The following ADAR variants were observed in gnomAD, a reference collection of about 807,000 sequenced individuals.
ADAR encodes the protein adenosine deaminase RNA specific, also known as double-stranded RNA-specific adenosine deaminase.
In ADAR, 41 loss-of-function variants were observed where a neutral mutation model predicts 113.2. That is an observed-to-expected ratio of 0.36 (90% CI 0.28 to 0.47). The LOEUF is 0.47. ADAR is among the 20% of genes least tolerant of loss of function. The probability of loss-of-function intolerance (pLI) is 1.00; values close to 1 mark genes in which losing one functional copy is unlikely to be tolerated. For synonymous variants in ADAR, 605 were observed against 572.6 expected (o/e 1.06, Z -0.81); for missense variants, 1,242 against 1,540.9 (o/e 0.81, Z 3.25).
At position 154,583,354 on chromosome 1, in the gene ADAR, G is replaced by T. The variant is rs1400155609; in HGVS notation, c.*1452C>A. On this transcript the variant is annotated 3_prime_UTR_variant, in exon 15 of 15. Coordinates refer to ENST00000368474, the MANE Select transcript of ADAR (RefSeq NM_001111.5). ...AGCCAACAAAGTCCCTTCAACATGAGTAAAGGAAACAGTTTCAAGCACTGA... is the reference window on the plus strand; with the variant it reads ...AGCCAACAAAGTCCCTTCAACATGATTAAAGGAAACAGTTTCAAGCACTGA... 1 of 152,192 alleles carries T rather than the reference G, an allele frequency of 6.6e-6. No homozygotes were observed. The highest frequency in any genetic ancestry group is 1.5e-5 in the Non-Finnish European group (1 of 68,044). 9.4% of individuals were successfully genotyped at this position (152,192 alleles called of 1,614,324 possible).
intron 12 of ADAR, 31 bp downstream of exon 12, chr1:154,586,150 C>G: frequency 6.2e-7 from 1 of 1,613,084 alleles, no homozygotes; most frequent in Non-Finnish European, 8.5e-7. Context: ...GAAGGACAGA[C>G]CAGTTCCAGA....
At chr1:154,591,173 A>C (rs558906326) in intron 6 of ADAR, among the ~76,000 whole-genome samples, 29 of 152,358 alleles carry the variant, frequency 1.9e-4, no homozygotes, top group Admixed American at 5.9e-4. Context: ...AAAGGCTCTG[A>C]GCCTGTCCTT....
At chr1:154,612,034 T>C (rs921881041), upstream of ADAR, among the ~76,000 whole-genome samples, 3 of 152,232 alleles carry the variant, frequency 2.0e-5, no homozygotes, top group African/African-American at 7.2e-5. Context: ...ACTTAGTAAT[T>C]GTTAATTTGG....
At position 154,584,648 on chromosome 1, in the gene ADAR, T is replaced by C; in HGVS notation, c.*158A>G. The stretch of plus-strand genomic sequence containing the variant: ...CCTAGCAATCCCAAAGAAAGCAGGA[T>C]AAATGGGAACCCAAAGTTTTCAGTA... On this transcript the variant is annotated 3_prime_UTR_variant, in exon 15 of 15. Coordinates refer to ENST00000368474, the MANE Select transcript of ADAR (RefSeq NM_001111.5). 1 of 717,816 alleles carries C rather than the reference T, an allele frequency of 1.4e-6. No homozygotes were observed. Among genetic ancestry groups the C allele is most frequent in the Admixed American group, 2.4e-5 (1 of 41,728 alleles). The allele number at this position is 717,816 out of a possible 1,614,324, so 44.5% of individuals were successfully genotyped here.
intron 1 of ADAR, among the ~76,000 whole-genome samples, chr1:154,620,182 G>C (rs1571148945): frequency 6.6e-6 from 1 of 152,316 alleles, no homozygotes; most frequent in South Asian, 2.1e-4. Context: ...GCCAAGGCGG[G>C]TGGACCACAA....
chr1:154,610,687 G>A (rs1299190835), upstream of ADAR, among the ~76,000 whole-genome samples: 1 of 151,900 alleles, frequency 6.6e-6, no homozygotes, highest in African/African-American at 2.4e-5. Flanking sequence ...GCGTGTGCCT[G>A]TAGTCCCAGC....
chr1:154,588,537 G>A lies in ADAR; in HGVS notation c.2885+14C>T, dbSNP rs536855590. 1.2e-6 allele frequency: 2 copies of A among 1,613,464 alleles called. No homozygotes were observed. Among genetic ancestry groups the A allele is most frequent in the South Asian group, 1.1e-5 (1 of 91,070 alleles). ...GGCAGGGCCCACCCTGGCAGCAACA[G>A]GAACTGTACAGACCTGATATACAGA... On this transcript the variant is annotated intron_variant, in intron 10 of 14. Coordinates refer to ENST00000368474, the MANE Select transcript of ADAR (RefSeq NM_001111.5).
At chr1:154,615,653 A>G (rs539092758) in intron 1 of ADAR, among the ~76,000 whole-genome samples, 7 of 152,316 alleles carry the variant, frequency 4.6e-5, no homozygotes, top group African/African-American at 1.7e-4. Context: ...GGCTCAAGCA[A>G]TCTGCCTGCC....
At chr1:154,603,560 G>A (rs1013908559) in intron 1 of ADAR, among the ~76,000 whole-genome samples, 2 of 152,030 alleles carry the variant, frequency 1.3e-5, no homozygotes, top group East Asian at 1.9e-4. Context: ...GAACCCTGAC[G>A]GACAGGGCAC....
At chr1:154,610,098 T>G (rs1301484490), upstream of ADAR, among the ~76,000 whole-genome samples, 1 of 152,146 alleles carries the variant, frequency 6.6e-6, no homozygotes, top group East Asian at 1.9e-4. Context: ...ATCAGAGAAA[T>G]GCACAGTATA....
At chr1:154,607,900 C>T in intron 1 of ADAR, 92 bp downstream of exon 1, 1 of 1,580,606 alleles carries the variant, frequency 6.3e-7, no homozygotes, top group Non-Finnish European at 8.6e-7. Context: ...CTAACACTCA[C>T]AAGACGCACA....
At chr1:154,586,836 G>C (rs954415141) in intron 11 of ADAR, among the ~76,000 whole-genome samples, 1 of 152,166 alleles carries the variant, frequency 6.6e-6, no homozygotes, top group Non-Finnish European at 1.5e-5. Flanking sequence ...GCCTGACAGA[G>C]AGCCAGTGTG....
At chr1:154,596,589 T>G (rs138706683) in intron 6 of ADAR, among the ~76,000 whole-genome samples, 1 of 152,174 alleles carries the variant, frequency 6.6e-6, no homozygotes, top group East Asian at 1.9e-4. Flanking sequence ...TTAAAACTAG[T>G]CAAAAAATTA....
intron 9 of ADAR, 45 bp downstream of exon 9, chr1:154,589,324 C>G (rs1037883454): frequency 4.7e-6 from 7 of 1,499,336 alleles, no homozygotes; most frequent in Non-Finnish European, 6.5e-6. Flanking sequence ...GGAACTGGAG[C>G]TCTCCACAGC....
rs763536266 is a variant in ADAR, at chr1:154,588,185, G to A, written c.2959C>T (p.Arg987Cys). ...SDRAMESTES[R>C]HYPVFENPKQ... Reference sequence around the variant, plus strand: ...GGATTCTCGAAGACAGGGTAGTGGCGGGATTCTGTGCTTTCCATAGCACGG... The same window carrying A: ...GGATTCTCGAAGACAGGGTAGTGGCAGGATTCTGTGCTTTCCATAGCACGG... The change falls in exon 11 of 15, where the codon CGC becomes TGC. Residue 987 changes from arginine (R) to cysteine (C), a missense_variant. Arg to Cys is a radical substitution (Grantham distance 180, BLOSUM62 -3). Around this residue, in one of 2 missense-constraint regions of ADAR, gnomAD observed 780 missense variants for 1,057.9 expected, o/e 0.74. Transcript: ENST00000368474. The A allele has an allele frequency of 1.5e-5, 25 of 1,613,936 alleles. No homozygotes were observed. Among genetic ancestry groups the A allele is most frequent in the South Asian group, 3.3e-5 (3 of 91,078 alleles).
chr1:154,623,261 G>A (rs1358748281), intron 1 of ADAR, among the ~76,000 whole-genome samples: 1 of 152,198 alleles, frequency 6.6e-6, no homozygotes, highest in East Asian at 1.9e-4. Context: ...AGAAGGATCA[G>A]CCAGATGAAG....
At chr1:154,608,492 C>CTTTTTTT (rs67463447), upstream of ADAR, among the ~76,000 whole-genome samples, 259 of 65,750 alleles carry the variant, frequency 3.9e-3, 10 homozygotes, top group East Asian at 0.01. Flanking sequence ...TCACTCCTGG[C>CTTTTTTT]TTTTTTTTTT....
intron 1 of ADAR, among the ~76,000 whole-genome samples, chr1:154,622,386 C>T (rs2101701051): frequency 6.6e-6 from 1 of 152,236 alleles, no homozygotes; most frequent in Admixed American, 6.5e-5. Context: ...TGTTTTGGTA[C>T]TTAAAAAGAA....
chr1:154,610,808 C>CAAA (rs1369386387), upstream of ADAR, among the ~76,000 whole-genome samples: 339 of 40,486 alleles, frequency 8.4e-3, 38 homozygotes, highest in Middle Eastern at 0.12. Flanking sequence ...GACACCGTCT[C>CAAA]AAAAAAAAAA....
Sources: allele counts gnomAD v4.1 joint callset (sites outside exome capture counted in the v4.1 genomes callset), GRCh38; gene constraint gnomAD v4.1.1; regional missense constraint gnomAD v4.1.1; transcripts MANE v1.5; gene names NCBI Gene and HGNC (gene_info 2026-07-23, HGNC 2026-07-21).